CAMK2B: variants seen among roughly 807,000 people sequenced by gnomAD.
CAMK2B encodes the protein calcium/calmodulin-dependent protein kinase type II subunit beta.
CAMK2B carries 27 observed loss-of-function variants against 93.7 expected under a neutral mutation model. That is an observed-to-expected ratio of 0.29 (90% CI 0.21 to 0.40). The LOEUF is 0.40. Among genes scored for constraint, CAMK2B ranks in the 10% least tolerant of loss-of-function variants. The pLI, the probability that CAMK2B is intolerant of heterozygous loss-of-function variation, is 1.00. For missense variants in CAMK2B, 568 were observed against 895.8 expected (o/e 0.63, Z 4.67); for synonymous variants, 374 against 358.8 (o/e 1.04, Z -0.48).
rs2096555782 is a variant in CAMK2B, at chr7:44,229,390, G to C, written c.1337C>G (p.Pro446Arg). Residue 446 changes from proline to arginine, a missense_variant and splice_region_variant, in exon 18 of 24, where the codon CCA becomes CGA. Physicochemically the swap from Pro to Arg is moderately radical, Grantham distance 103 (BLOSUM62 -2). This residue lies in a region of CAMK2B where 308 missense variants were observed against 292.1 expected (regional missense o/e 1.05). Transcript: ENST00000395749. ...SPAPFSPLPA[P>R]SPRISDILNS... is the part of the protein sequence containing the mutation. ...GCAGCAGGACCCAGGCTACTTACATGGGGCTGGCAGGGGGCTAAAGGGAGC... is the reference window on the plus strand; with the variant it reads ...GCAGCAGGACCCAGGCTACTTACATCGGGCTGGCAGGGGGCTAAAGGGAGC... The C allele has an allele frequency of 5.9e-6, 9 of 1,524,290 alleles. No individual in the cohort carries two copies. The highest frequency in any genetic ancestry group is 7.9e-6 in the Non-Finnish European group (9 of 1,135,046). The allele number at this position is 1,524,290 out of a possible 1,614,324, so 94.4% of individuals were successfully genotyped here.
chr7:44,230,396 T>C (rs2096567919), intron 17 of CAMK2B: 1 of 152,942 alleles, frequency 6.5e-6, no homozygotes, highest in South Asian at 2.1e-4. Context: ...GTGTGAGCGA[T>C]GAGGGTCAGG....
intron 1 of CAMK2B, among the ~76,000 whole-genome samples, chr7:44,308,125 C>G (rs375009412): frequency 6.6e-6 from 1 of 152,202 alleles, no homozygotes; most frequent in Non-Finnish European, 1.5e-5. Flanking sequence ...GCCCAGGAGG[C>G]ATGGGGCAGG....
intron 13 of CAMK2B, among the ~76,000 whole-genome samples, chr7:44,237,427 C>G (rs140904826): frequency 6.6e-6 from 1 of 152,366 alleles, no homozygotes; most frequent in African/African-American, 2.4e-5. Context: ...ACGCTGCCAT[C>G]AGAGCTCTGG....
At chr7:44,296,861 C>CA (rs982212103) in intron 1 of CAMK2B, among the ~76,000 whole-genome samples, 17 of 151,786 alleles carry the variant, frequency 1.1e-4, no homozygotes, top group African/African-American at 4.1e-4. Context: ...TGTTCTCAAA[C>CA]AAAAATTGAG....
intron 13 of CAMK2B, among the ~76,000 whole-genome samples, chr7:44,235,784 G>A (rs1433831244): frequency 1.3e-5 from 2 of 152,328 alleles, no homozygotes; most frequent in African/African-American, 2.4e-5. Context: ...GCTTGCCCCC[G>A]GGCCAAGCCG....
chr7:44,323,579 C>G (rs1033371697), intron 1 of CAMK2B, among the ~76,000 whole-genome samples: 1 of 152,154 alleles, frequency 6.6e-6, no homozygotes, highest in Non-Finnish European at 1.5e-5. Context: ...CAGGGAGGCT[C>G]GCAGCAAAGG....
chr7:44,282,262 C>T (rs2097108161), intron 2 of CAMK2B, among the ~76,000 whole-genome samples: 1 of 152,228 alleles, frequency 6.6e-6, no homozygotes, highest in Non-Finnish European at 1.5e-5. Context: ...AAGCTGACTG[C>T]CCTAGGTCCT....
intron 1 of CAMK2B, among the ~76,000 whole-genome samples, chr7:44,306,005 G>A (rs1257736784): frequency 6.6e-6 from 1 of 152,156 alleles, no homozygotes; most frequent in African/African-American, 2.4e-5. Flanking sequence ...ACTGCAAGGG[G>A]GGATGATGTG....
chr7:44,243,543 C>A lies in CAMK2B; in HGVS notation c.415-16G>T. ...GGTTCTCCGGCTGCAGGGAGGTGACCGGCACAAGGGTGCATGTTGTTTAAA... is the reference window on the plus strand; with the variant it reads ...GGTTCTCCGGCTGCAGGGAGGTGACAGGCACAAGGGTGCATGTTGTTTAAA... On this transcript the variant is annotated splice_polypyrimidine_tract_variant and intron_variant, in intron 6 of 23. Transcript: ENST00000395749. 6.2e-7 allele frequency: 1 copy of A among 1,608,032 alleles called. No individual in the cohort carries two copies. Among genetic ancestry groups the A allele is most frequent in the Non-Finnish European group, 8.5e-7 (1 of 1,174,912 alleles).
intron 6 of CAMK2B, among the ~76,000 whole-genome samples, chr7:44,245,550 C>T (rs1353136319): frequency 2.0e-5 from 3 of 152,182 alleles, no homozygotes; most frequent in Non-Finnish European, 4.4e-5. Flanking sequence ...TCTGTGGCCC[C>T]TCACAGGAGA....
At chr7:44,251,021 C>T (rs922285063) in intron 5 of CAMK2B, among the ~76,000 whole-genome samples, 2 of 152,186 alleles carry the variant, frequency 1.3e-5, no homozygotes, top group Admixed American at 6.5e-5. Context: ...TGTCCTGTTT[C>T]TTCTTGTTCC....
In CAMK2B at chr7:44,311,085, T is replaced by C. The variant is rs538788605; in HGVS notation, c.65+14272A>G. On this transcript the variant is annotated intron_variant, in intron 1 of 23. Coordinates refer to ENST00000395749, the MANE Select transcript of CAMK2B (RefSeq NM_001220.5). This position sits in a 1 kb window ranked among gnomAD's most constrained non-coding sequence, Gnocchi z 4.2. ...CTGGTTTTTATTTTTATTATTTTTT[T>C]ACTTTTTTGAGACAGTCTCATTCTA... is the stretch of plus-strand genomic sequence containing the variant. 2.6e-5 allele frequency among the ~76,000 whole-genome samples: 4 copies of C among 152,332 alleles called. No individual in the cohort carries two copies. The East Asian group carries it at 7.7e-4, about 29-fold the overall frequency.
chr7:44,299,272 A>G (rs1439602560), intron 1 of CAMK2B, among the ~76,000 whole-genome samples: 1 of 152,246 alleles, frequency 6.6e-6, no homozygotes, highest in African/African-American at 2.4e-5. Context: ...GCTAAGTGAA[A>G]TAAGCCAGTC....
chr7:44,236,089 T>C (rs1053574806), intron 13 of CAMK2B, among the ~76,000 whole-genome samples: 8 of 152,224 alleles, frequency 5.3e-5, no homozygotes, highest in African/African-American at 1.9e-4. Context: ...GCTGGACATC[T>C]GTTCCATAAG....
At chr7:44,272,871 G>A (rs952071944) in intron 2 of CAMK2B, among the ~76,000 whole-genome samples, 3 of 152,216 alleles carry the variant, frequency 2.0e-5, no homozygotes, top group Non-Finnish European at 2.9e-5. Context: ...TCCAGCTTGC[G>A]GGGTGCAGCT....
rs1797344356 is a variant in CAMK2B at position 44,325,571 on chromosome 7, G to C, written c.-150C>G. 3.3e-5 allele frequency: 8 copies of C among 245,688 alleles called. No homozygotes were observed. Among genetic ancestry groups the C allele is most frequent in the Non-Finnish European group, 5.1e-5 (8 of 157,112 alleles). 15.2% of individuals were successfully genotyped at this position (245,688 alleles called of 1,614,324 possible). On this transcript the variant is annotated 5_prime_UTR_variant, in exon 1 of 24. Coordinates refer to ENST00000395749, the MANE Select transcript of CAMK2B (RefSeq NM_001220.5). ...GGCGGGGGCCGGGCTGGGCTGCGCC[G>C]GGCGGCGAGCGCACGCGAGATCTGC...
intron 3 of CAMK2B, among the ~76,000 whole-genome samples, chr7:44,259,833 G>A (rs911672581): frequency 3.3e-5 from 5 of 152,172 alleles, no homozygotes; most frequent in African/African-American, 1.2e-4. Context: ...CTAGAACAAC[G>A]AGGACGACGA....
intron 13 of CAMK2B, among the ~76,000 whole-genome samples, chr7:44,238,136 C>A (rs906413217): frequency 2.0e-5 from 3 of 152,220 alleles, no homozygotes. Flanking sequence ...GCTGACCTAG[C>A]AGGATGGGTG....
intron 1 of CAMK2B, among the ~76,000 whole-genome samples, chr7:44,319,400 A>G (rs1055721463): frequency 1.3e-5 from 2 of 152,206 alleles, no homozygotes; most frequent in African/African-American, 4.8e-5. Flanking sequence ...TGGAGCAAAA[A>G]TGAGGGAAAC....
Sources: gnomAD v4.1 joint callset for allele counts (sites outside exome capture counted in the v4.1 genomes callset) on GRCh38, gnomAD v4.1.1 for gene constraint, gnomAD v4.1.1 regional missense constraint, Gnocchi (gnomAD v3.1) non-coding constraint, MANE v1.5 for transcripts, NCBI Gene and HGNC (gene_info 2026-07-23, HGNC 2026-07-21) for gene names.